Variants in THADA observed in about 807,000 individuals in gnomAD.
THADA encodes the protein tRNA (32-2'-O)-methyltransferase regulator THADA.
THADA carries 213 observed loss-of-function variants against 219.8 expected under a neutral mutation model. The observed-to-expected ratio is 0.97, with a 90% CI of 0.87 to 1.09. The LOEUF (loss-of-function observed/expected upper bound fraction) is 1.09, where lower values mean the gene tolerates loss of function less well. Among genes scored for constraint, THADA ranks in the 50% least tolerant of loss-of-function variants. The probability of loss-of-function intolerance (pLI) is 0.00; values close to 1 mark genes in which losing one functional copy is unlikely to be tolerated. For missense variants in THADA, 2,956 were observed against 2,311.3 expected, an observed-to-expected ratio of 1.28 and a Z score of -5.72; for synonymous variants, 1,018 against 828.9, an observed-to-expected ratio of 1.23 and a Z score of -3.92.
intron 24 of THADA, among the ~76,000 whole-genome samples, chr2:43,501,730 G>GT (rs1689006487): frequency 6.6e-6 from 1 of 152,142 alleles, no homozygotes; most frequent in African/African-American, 2.4e-5. Context: ...GATCACTTGA[G>GT]GTCAGGAGTT....
chr2:43,511,402 A>C (rs2105106458), intron 22 of THADA, among the ~76,000 whole-genome samples: 1 of 152,332 alleles, frequency 6.6e-6, no homozygotes, highest in East Asian at 1.9e-4. Context: ...CCAAGAAGGC[A>C]GGTCTGGAAT....
At position 43,448,558 on chromosome 2, in the gene THADA, TTC is replaced by T. The variant is rs1491087664; in HGVS notation, c.3837-18258_3837-18257del. Among the ~76,000 whole-genome samples, 4 of 109,072 alleles carry T rather than the reference TTC, an allele frequency of 3.7e-5. No individual in the cohort carries two copies. In the East Asian group the frequency reaches 8.6e-4, roughly 23 times the overall value. 71.6% of individuals were successfully genotyped at this position (109,072 alleles called of 152,430 possible). ...TAAAGGGCAATTCACTTTTCTTCCTTTCTTTTTTTTTTTTTTTTTTTGCTTTT... is the reference window on the plus strand; with the variant it reads ...TAAAGGGCAATTCACTTTTCTTCCTTTTTTTTTTTTTTTTTTTTTGCTTTT... On this transcript the variant is annotated intron_variant, in intron 26 of 37. Coordinates refer to ENST00000405975, the MANE Select transcript of THADA (RefSeq NM_022065.5).
intron 26 of THADA, among the ~76,000 whole-genome samples, chr2:43,464,974 C>A (rs571274576): frequency 6.6e-6 from 1 of 152,210 alleles, no homozygotes; most frequent in South Asian, 2.1e-4. Context: ...ACCCTGCCGG[C>A]AAAGACCCAG....
intron 31 of THADA, among the ~76,000 whole-genome samples, chr2:43,317,697 A>T (rs1374758572): frequency 1.3e-5 from 2 of 152,224 alleles, no homozygotes; most frequent in Non-Finnish European, 2.9e-5. Context: ...TTCCATCCTC[A>T]AAGAAAGAAA....
At chr2:43,443,496 G>A (rs1181479976) in intron 26 of THADA, among the ~76,000 whole-genome samples, 4 of 152,164 alleles carry the variant, frequency 2.6e-5, no homozygotes, top group Non-Finnish European at 5.9e-5. Context: ...AGTTACCACT[G>A]CAGATATAGC....
chr2:43,592,184 A>C (rs1361279140), intron 2 of THADA, 133 bp downstream of exon 2: 2 of 1,010,198 alleles, frequency 2.0e-6, no homozygotes, highest in African/African-American at 3.3e-5. Context: ...AATTTTAAGA[A>C]AATTGTTTTA....
chr2:43,306,320 G>C (rs1676857428), intron 31 of THADA, among the ~76,000 whole-genome samples: 1 of 152,130 alleles, frequency 6.6e-6, no homozygotes, highest in African/African-American at 2.4e-5. Context: ...CCTACTTCTG[G>C]TTCTTTCGGC....
At chr2:43,401,584 T>C (rs1674850288) in intron 28 of THADA, among the ~76,000 whole-genome samples, 1 of 152,180 alleles carries the variant, frequency 6.6e-6, no homozygotes, top group South Asian at 2.1e-4. Flanking sequence ...AGCTGAGACA[T>C]GATACATTTT....
chr2:43,450,382 G>C (rs1003543279), intron 26 of THADA, among the ~76,000 whole-genome samples: 3 of 152,042 alleles, frequency 2.0e-5, no homozygotes, highest in African/African-American at 7.2e-5. Context: ...AGCCATATAG[G>C]AGCAGAGTTT....
chr2:43,424,630 A>C (rs1260951671), intron 28 of THADA, among the ~76,000 whole-genome samples: 2 of 152,182 alleles, frequency 1.3e-5, no homozygotes, highest in Admixed American at 1.3e-4. Flanking sequence ...TCAAATGCAT[A>C]CAGTTTTATC....
chr2:43,322,838 GC>G (rs1678901500), intron 30 of THADA, among the ~76,000 whole-genome samples: 1 of 151,088 alleles, frequency 6.6e-6, no homozygotes, highest in Non-Finnish European at 1.5e-5. Flanking sequence ...GGCGCCCGCC[GC>G]CACGCCCGGC....
intron 36 of THADA, among the ~76,000 whole-genome samples, chr2:43,264,531 C>T (rs879420017): frequency 2.6e-5 from 4 of 152,050 alleles, no homozygotes; most frequent in Non-Finnish European, 5.9e-5. Context: ...GTGATCCGCC[C>T]ACCTCTGCCT....
intron 36 of THADA, among the ~76,000 whole-genome samples, chr2:43,235,812 A>ATT (rs201803796): frequency 1.9e-4 from 27 of 143,110 alleles, no homozygotes; most frequent in African/African-American, 6.6e-4. Flanking sequence ...ATCCTGCACC[A>ATT]TTTTTTTTTT....
intron 30 of THADA, among the ~76,000 whole-genome samples, chr2:43,328,022 G>A (rs972295363): frequency 2.0e-5 from 3 of 152,124 alleles, no homozygotes; most frequent in Non-Finnish European, 2.9e-5. Flanking sequence ...GAGTTAGGAG[G>A]TACTTCTTTT....
intron 35 of THADA, 92 bp downstream of exon 35, chr2:43,286,816 G>A (rs1252012752): frequency 1.4e-6 from 2 of 1,439,566 alleles, no homozygotes; most frequent in South Asian, 1.3e-5. Flanking sequence ...GTGTCATGTT[G>A]CCATCTTTCA....
chr2:43,246,230 C>T (rs545698130), intron 36 of THADA, among the ~76,000 whole-genome samples: 10 of 152,184 alleles, frequency 6.6e-5, no homozygotes, highest in South Asian at 2.1e-4. Context: ...CGTGGTGGCT[C>T]ACGCCTGTAA....
At chr2:43,313,290 C>G (rs1677714542) in intron 31 of THADA, among the ~76,000 whole-genome samples, 3 of 152,200 alleles carry the variant, frequency 2.0e-5, no homozygotes, top group Non-Finnish European at 2.9e-5. Flanking sequence ...GTACACTGAT[C>G]TACAGAGCGC....
chr2:43,376,918 G>A (rs1671444952), intron 29 of THADA, among the ~76,000 whole-genome samples: 3 of 152,188 alleles, frequency 2.0e-5, no homozygotes. Flanking sequence ...GACACTGGGA[G>A]TTTTAAGTGG....
chr2:43,255,560 C>T (rs893394162), intron 36 of THADA, among the ~76,000 whole-genome samples: 7 of 152,184 alleles, frequency 4.6e-5, no homozygotes, highest in African/African-American at 1.7e-4. Flanking sequence ...GGATTGGGCC[C>T]CCCAGAACTG....
Sources: allele counts gnomAD v4.1 joint callset (sites outside exome capture counted in the v4.1 genomes callset), GRCh38; gene constraint gnomAD v4.1.1; transcripts MANE v1.5; gene names NCBI Gene and HGNC (gene_info 2026-07-23, HGNC 2026-07-21).